RABGAP1L: variants seen among roughly 807,000 people sequenced by gnomAD.
The protein encoded by RABGAP1L is RAB GTPase activating protein 1 like, also known as rab GTPase-activating protein 1-like.
A neutral mutation model predicts 137.7 loss-of-function variants in RABGAP1L; 63 were observed. That is an observed-to-expected ratio of 0.46 (90% CI 0.37 to 0.56). RABGAP1L has a LOEUF of 0.56. Ranked by LOEUF, RABGAP1L falls within the 20% of genes least tolerant of loss-of-function variation. The pLI is 0.00. For missense variants in RABGAP1L, 1,095 were observed against 1,244.0 expected (o/e 0.88, Z 1.80); for synonymous variants, 431 against 433.7 (o/e 0.99, Z 0.08).
At chr1:174,213,017 TA>T (rs1287884786) in intron 1 of RABGAP1L, among the ~76,000 whole-genome samples, 1 of 152,134 alleles carries the variant, frequency 6.6e-6, no homozygotes, top group Non-Finnish European at 1.5e-5. Context: ...AACAGACCAA[TA>T]ACAAGTAATG....
At chr1:174,936,513 G>C (rs1351600600) in intron 19 of RABGAP1L, among the ~76,000 whole-genome samples, 2 of 152,004 alleles carry the variant, frequency 1.3e-5, no homozygotes, top group Non-Finnish European at 2.9e-5. Flanking sequence ...AGGATCACCT[G>C]AGCCTGGGAG....
intron 7 of RABGAP1L, among the ~76,000 whole-genome samples, chr1:174,269,998 T>A (rs1674418543): frequency 6.6e-6 from 1 of 152,232 alleles, no homozygotes; most frequent in South Asian, 2.1e-4. Flanking sequence ...TAATAGATCT[T>A]GCTGGCCTCC....
At chr1:174,703,804 T>C (rs920483880) in intron 17 of RABGAP1L, among the ~76,000 whole-genome samples, 33 of 152,222 alleles carry the variant, frequency 2.2e-4, no homozygotes, top group African/African-American at 8.0e-4. Context: ...TATCATGTTA[T>C]GATTTTAATT....
intron 19 of RABGAP1L, among the ~76,000 whole-genome samples, chr1:174,950,287 A>G (rs1377026436): frequency 1.3e-5 from 2 of 152,208 alleles, no homozygotes; most frequent in East Asian, 3.8e-4. Flanking sequence ...AATACAACTA[A>G]TAATCATTTA....
At chr1:174,230,757 C>G (rs993601259) in intron 3 of RABGAP1L, among the ~76,000 whole-genome samples, 6 of 152,132 alleles carry the variant, frequency 3.9e-5, no homozygotes, top group Non-Finnish European at 7.3e-5. Context: ...GGTTCCCAAG[C>G]TTATCTTTTG....
rs116103642 is a variant in RABGAP1L at position 174,444,156 on chromosome 1, A to G, written c.1710+50011A>G. ...TTTCTTAGGATTGCCTTAGCTATTC[A>G]GGGTCTTTTGTAGTTCCATACAAAT... is the stretch of plus-strand genomic sequence containing the variant. On this transcript the variant is annotated intron_variant, in intron 13 of 25. Coordinates refer to ENST00000681986, the MANE Select transcript of RABGAP1L (RefSeq NM_001366446.1). Among the ~76,000 whole-genome samples the G allele has an allele frequency of 9.5e-3, 1,439 of 150,750 alleles. 23 individuals are homozygous for G. The highest frequency in any genetic ancestry group is 0.033 in the African/African-American group (1,380 of 41,250).
chr1:174,451,544 T>C (rs530438253), intron 13 of RABGAP1L, among the ~76,000 whole-genome samples: 1 of 152,328 alleles, frequency 6.6e-6, no homozygotes, highest in South Asian at 2.1e-4. Context: ...TGATTATTCG[T>C]CAGTTAACTA....
At chr1:174,712,936 ATTT>A (rs1464437114) in intron 17 of RABGAP1L, among the ~76,000 whole-genome samples, 1 of 151,916 alleles carries the variant, frequency 6.6e-6, no homozygotes, top group African/African-American at 2.4e-5. Flanking sequence ...GGTCTTGGGG[ATTT>A]TATAGACACA....
chr1:174,964,570 G>T (rs182638497), intron 20 of RABGAP1L, among the ~76,000 whole-genome samples: 8 of 152,274 alleles, frequency 5.3e-5, no homozygotes, highest in Admixed American at 5.2e-4. Flanking sequence ...TATTTTGCAA[G>T]ATTTCTGACC....
intron 14 of RABGAP1L, among the ~76,000 whole-genome samples, chr1:174,652,654 G>T (rs1475535575): frequency 6.6e-6 from 1 of 152,188 alleles, no homozygotes; most frequent in African/African-American, 2.4e-5. Context: ...ATTGCTTCCT[G>T]TTCCTTCCTC....
At chr1:174,805,145 T>A (rs954758028) in intron 18 of RABGAP1L, among the ~76,000 whole-genome samples, 1 of 152,216 alleles carries the variant, frequency 6.6e-6, no homozygotes, top group Non-Finnish European at 1.5e-5. Flanking sequence ...AGTGGAGCCT[T>A]AATAAATTCA....
chr1:174,505,174 G>A (rs1661703196), intron 13 of RABGAP1L, among the ~76,000 whole-genome samples: 1 of 152,164 alleles, frequency 6.6e-6, no homozygotes. Flanking sequence ...GCAAAAGTCT[G>A]GGAAAGCTCT....
chr1:174,916,678 A>G (rs1660939275), intron 19 of RABGAP1L, among the ~76,000 whole-genome samples: 1 of 152,202 alleles, frequency 6.6e-6, no homozygotes, highest in Non-Finnish European at 1.5e-5. Flanking sequence ...AAGTCAGGAA[A>G]TCAGACTCGC....
At chr1:174,889,764 C>G (rs1017917073) in intron 19 of RABGAP1L, among the ~76,000 whole-genome samples, 3 of 152,076 alleles carry the variant, frequency 2.0e-5, no homozygotes, top group Non-Finnish European at 4.4e-5. Flanking sequence ...GTCTCTTACT[C>G]TGTCACCCAG....
intron 11 of RABGAP1L, among the ~76,000 whole-genome samples, chr1:174,324,666 G>T (rs1341066979): frequency 6.6e-6 from 1 of 152,092 alleles, no homozygotes; most frequent in Non-Finnish European, 1.5e-5. Flanking sequence ...GTAGATGTTA[G>T]GACATCACTA....
At chr1:174,376,171 AAAG>A (rs1685527557) in intron 12 of RABGAP1L, among the ~76,000 whole-genome samples, 2 of 151,588 alleles carry the variant, frequency 1.3e-5, no homozygotes, top group Admixed American at 6.6e-5. Flanking sequence ...AAAGAAAAAG[AAAG>A]AAGGAAAGAA....
At chr1:174,424,144 A>G (rs535442666) in intron 13 of RABGAP1L, among the ~76,000 whole-genome samples, 31 of 152,108 alleles carry the variant, frequency 2.0e-4, no homozygotes, top group Non-Finnish European at 4.0e-4. Context: ...TTTATGGCCT[A>G]CCTAGCATAT....
At chr1:174,405,189 C>G (rs1174200344) in intron 13 of RABGAP1L, among the ~76,000 whole-genome samples, 2 of 152,152 alleles carry the variant, frequency 1.3e-5, no homozygotes, top group African/African-American at 2.4e-5. Flanking sequence ...ATTGAAAAGT[C>G]AAATTATAGT....
chr1:174,325,887 C>T (rs1228646003), intron 11 of RABGAP1L, among the ~76,000 whole-genome samples: 1 of 152,200 alleles, frequency 6.6e-6, no homozygotes, highest in Non-Finnish European at 1.5e-5. Flanking sequence ...TTCCACAGAT[C>T]CTCTGGACTT....
Sources: gnomAD v4.1 joint callset for allele counts (sites outside exome capture counted in the v4.1 genomes callset) on GRCh38, gnomAD v4.1.1 for gene constraint, MANE v1.5 for transcripts, NCBI Gene and HGNC (gene_info 2026-07-23, HGNC 2026-07-21) for gene names.